BSN: variants seen among roughly 807,000 people sequenced by gnomAD.
The protein encoded by BSN is bassoon presynaptic cytomatrix protein, also known as protein bassoon.
A neutral mutation model predicts 264.8 loss-of-function variants in BSN; 57 were observed. The observed-to-expected ratio is 0.22, with a 90% CI of 0.17 to 0.27. The LOEUF (loss-of-function observed/expected upper bound fraction) is 0.27, where lower values mean the gene tolerates loss of function less well. Among genes scored for constraint, BSN ranks in the 10% least tolerant of loss-of-function variants. BSN has a pLI of 1.00. For synonymous variants in BSN, 2,059 were observed against 2,137.3 expected, an observed-to-expected ratio of 0.96 and a Z score of 1.01; for missense variants, 4,615 against 5,232.5, an observed-to-expected ratio of 0.88 and a Z score of 3.64.
At chr3:49,586,326 C>CTCTA (rs59036596) in intron 1 of BSN, among the ~76,000 whole-genome samples, 57,070 of 149,404 alleles carry the variant, frequency 0.38, 11,021 homozygotes, top group East Asian at 0.52. Flanking sequence ...GTTTTCCCAG[C>CTCTA]TCTATCTATC....
intron 2 of BSN, among the ~76,000 whole-genome samples, chr3:49,636,565 C>T (rs1233178134): frequency 3.3e-5 from 5 of 152,194 alleles, no homozygotes; most frequent in Non-Finnish European, 7.4e-5. Context: ...CGGATCCTCT[C>T]CCTTTCGTGG....
intron 1 of BSN, among the ~76,000 whole-genome samples, chr3:49,555,311 G>A (rs761682095): frequency 6.6e-6 from 1 of 152,170 alleles, no homozygotes; most frequent in Non-Finnish European, 1.5e-5. Flanking sequence ...CCATGAACTT[G>A]GTCTTGGGCT....
Position 49,663,140 on chromosome 3 carries a change from A to G in BSN, c.10982A>G (p.Glu3661Gly), listed in dbSNP as rs938495711. 3 of 1,612,312 alleles carry G rather than the reference A, an allele frequency of 1.9e-6. No individual in the cohort carries two copies. Among genetic ancestry groups the G allele is most frequent in the African/African-American group, 2.7e-5 (2 of 74,938 alleles). The change falls in exon 7 of 12, where the codon GAG becomes GGG. Residue 3661 changes from glutamate to glycine, a missense_variant. This residue lies in a region of BSN where 3,415 missense variants were observed against 3,866.4 expected (regional missense o/e 0.88). Transcript: ENST00000296452. ...CACTCAGGCCGCCACACTGGTGAGG[A>G]GCCGGGACGGCGTGCTGCCAAACCA... ...GRHSGRHTGEEPGRRAAKPHA... is the reference protein window; with the variant it reads ...GRHSGRHTGEGPGRRAAKPHA...
chr3:49,579,214 C>G (rs1272561648), intron 1 of BSN, among the ~76,000 whole-genome samples: 1 of 151,092 alleles, frequency 6.6e-6, no homozygotes, highest in East Asian at 2.0e-4. Context: ...GTCTCAAATT[C>G]ATGGCTTCAA....
In BSN at chr3:49,656,790, G is replaced by T; in HGVS notation, c.7234G>T (p.Val2412Leu). ...GCACCGTGAGGAGGAGCAGCTGCTGGTGCAGCGGGAGTTGCAGGAGCTGCA... is the reference window on the plus strand; with the variant it reads ...GCACCGTGAGGAGGAGCAGCTGCTGTTGCAGCGGGAGTTGCAGGAGCTGCA... ...QRHREEEQLL[V>L]QRELQELQTI... The change falls in exon 5 of 12, where the codon GTG (valine) becomes TTG (leucine). Residue 2412 changes from valine to leucine, a missense_variant. Coordinates refer to ENST00000296452, the MANE Select transcript of BSN (RefSeq NM_003458.4). The T allele has an allele frequency of 6.3e-7, 1 of 1,588,742 alleles. No homozygotes were observed. Among genetic ancestry groups the T allele is most frequent in the Non-Finnish European group, 8.6e-7 (1 of 1,168,030 alleles).
chr3:49,655,122 G>A lies in BSN; in HGVS notation c.5566G>A (p.Gly1856Ser), dbSNP rs149894852. 13 of 1,612,498 alleles carry A rather than the reference G, an allele frequency of 8.1e-6. No individual in the cohort carries two copies. The African/African-American group carries it at 9.3e-5, about 12-fold the overall frequency. ...AGAGCTGCGGTCACATGCTCTGCCA[G>A]GTGCCAGGAAGCCACACACAGTGGT... is the stretch of plus-strand genomic sequence containing the variant. ...PAELRSHALP[G>S]ARKPHTVVVQ... Residue 1856 changes from glycine to serine, a missense_variant, in exon 5 of 12, where the codon GGT becomes AGT. Around this residue, in one of 3 missense-constraint regions of BSN, gnomAD observed 3,415 missense variants for 3,866.4 expected, o/e 0.88. Transcript: ENST00000296452.
At chr3:49,632,866 T>G (rs1293742148) in intron 2 of BSN, among the ~76,000 whole-genome samples, 1 of 151,970 alleles carries the variant, frequency 6.6e-6, no homozygotes, top group Non-Finnish European at 1.5e-5. Context: ...CTTGAGAGGC[T>G]AAGGTGGGAG....
chr3:49,561,859 G>A (rs2051714043), intron 1 of BSN, among the ~76,000 whole-genome samples: 1 of 151,978 alleles, frequency 6.6e-6, no homozygotes, highest in South Asian at 2.1e-4. Flanking sequence ...CCAGGCTGGA[G>A]TGCAGTGGCG....
chr3:49,606,250 ATATAT>A (rs1230182826), intron 1 of BSN, among the ~76,000 whole-genome samples: 51 of 85,896 alleles, frequency 5.9e-4, no homozygotes, highest in African/African-American at 1.9e-3. Flanking sequence ...TGTATATATT[ATATAT>A]AAAATATATA....
rs150218987 is a variant in BSN at position 49,661,964 on chromosome 3, G to A, written c.10119G>A (p.Ser3373=). ...QGMEQKISKF[S]PIEEAKDVES... Reference sequence around the variant, plus strand: ...TGGAGCAAAAGATATCCAAGTTCTCGCCTATTGAAGAGGCCAAAGACGTAG... The same window carrying A: ...TGGAGCAAAAGATATCCAAGTTCTCACCTATTGAAGAGGCCAAAGACGTAG... The change falls in exon 6 of 12, where the codon TCG becomes TCA. Residue 3373 remains serine (S), a synonymous_variant. Transcript: ENST00000296452. 5.4e-4 allele frequency: 871 copies of A among 1,613,960 alleles called. No individual in the cohort carries two copies. The highest frequency in any genetic ancestry group is 6.5e-4 in the Non-Finnish European group (765 of 1,180,038).
rs746901055 is a variant in BSN, at chr3:49,663,211, C to A, written c.11053C>A (p.Pro3685Thr). The A allele has an allele frequency of 2.5e-6, 4 of 1,614,064 alleles. No homozygotes were observed. Among genetic ancestry groups the A allele is most frequent in the Non-Finnish European group, 3.4e-6 (4 of 1,180,028 alleles). Residue 3685 changes from proline (P) to threonine (T), a missense_variant, in exon 7 of 12, where the codon CCC becomes ACC. Transcript: ENST00000296452. ...GRHEARPHSQ[P>T]SSAPAMPKKG... ...CCATGAGGCCCGGCCCCACTCTCAG[C>A]CCAGCTCTGCTCCAGCTATGCCGAA... is the stretch of plus-strand genomic sequence containing the variant.
intron 1 of BSN, among the ~76,000 whole-genome samples, chr3:49,591,771 T>C (rs544552094): frequency 6.6e-6 from 1 of 152,230 alleles, no homozygotes; most frequent in Admixed American, 6.5e-5. Context: ...GTATTTTATG[T>C]AGAGATGGGG....
chr3:49,582,631 A>AT (rs1357895987), intron 1 of BSN, among the ~76,000 whole-genome samples: 1 of 151,606 alleles, frequency 6.6e-6, no homozygotes, highest in African/African-American at 2.4e-5. Context: ...TCCTTTATTT[A>AT]TTTTTTTTCT....
rs144431423 is a variant in BSN, at chr3:49,587,927, C to CTTTTCTTTTCT, written c.224+33105_224+33106insCTTTTCTTTTT. On this transcript the variant is annotated intron_variant, in intron 1 of 11. Transcript: ENST00000296452. ...CTTTTCTTTTCTTTTCTTTTCTTTT[C>CTTTTCTTTTCT]TTTTTTTTTTTGAGACAAGAGTCTC... Among the ~76,000 whole-genome samples the CTTTTCTTTTCT allele has an allele frequency of 1.1e-3, 147 of 138,276 alleles. 1 individual carries two copies. The highest frequency in any genetic ancestry group is 1.7e-3 in the Non-Finnish European group (109 of 65,782). 90.7% of individuals were successfully genotyped at this position (138,276 alleles called of 152,430 possible). A position where few individuals can be genotyped will look rare whatever the true frequency, so the allele number is the denominator to read the frequency against.
intron 1 of BSN, among the ~76,000 whole-genome samples, chr3:49,621,581 G>C (rs1428456540): frequency 6.6e-6 from 1 of 152,190 alleles, no homozygotes; most frequent in African/African-American, 2.4e-5. Context: ...AGATGTGACT[G>C]TCGGATTTGA....
At chr3:49,617,286 TATATATATATA>T (rs2052267635) in intron 1 of BSN, among the ~76,000 whole-genome samples, 1 of 3,732 alleles carries the variant, frequency 2.7e-4, no homozygotes, top group Non-Finnish European at 5.2e-4. Context: ...AAATACATTA[TATATATATATA>T]TATATATATA....
At chr3:49,564,116 C>G (rs1416108478) in intron 1 of BSN, among the ~76,000 whole-genome samples, 1 of 152,128 alleles carries the variant, frequency 6.6e-6, no homozygotes, top group Non-Finnish European at 1.5e-5. Flanking sequence ...ACTGCCCTGC[C>G]CAAGGCTGTC....
At chr3:49,666,616 T>A (rs1042073616) in intron 11 of BSN, among the ~76,000 whole-genome samples, 2 of 152,070 alleles carry the variant, frequency 1.3e-5, no homozygotes, top group Admixed American at 1.3e-4. Flanking sequence ...GCAGAAGATA[T>A]GTGAGGGAAG....
chr3:49,653,165 C>A lies in BSN; in HGVS notation c.3609C>A (p.Gly1203=). The change falls in exon 5 of 12, where the codon GGC becomes GGA. Residue 1203 remains glycine, a synonymous_variant. Transcript: ENST00000296452. The surrounding 1 kb of genome is among the most constrained non-coding windows in gnomAD (Gnocchi z 6.3). ...RKAELLQRQQ[G]QAAGARGPHG... ...CTGAGCTGCTCCAGAGGCAGCAAGGCCAGGCAGCAGGGGCCCGGGGACCCC... is the reference window on the plus strand; with the variant it reads ...CTGAGCTGCTCCAGAGGCAGCAAGGACAGGCAGCAGGGGCCCGGGGACCCC... 1 of 1,612,408 alleles carries A rather than the reference C, an allele frequency of 6.2e-7. No homozygotes were observed. The highest frequency in any genetic ancestry group is 8.5e-7 in the Non-Finnish European group (1 of 1,179,710).
Sources: gnomAD v4.1 joint callset for allele counts (sites outside exome capture counted in the v4.1 genomes callset) on GRCh38, gnomAD v4.1.1 for gene constraint, gnomAD v4.1.1 regional missense constraint, Gnocchi (gnomAD v3.1) non-coding constraint, MANE v1.5 for transcripts, NCBI Gene and HGNC (gene_info 2026-07-23, HGNC 2026-07-21) for gene names.